Variants in ABHD12B observed in about 807,000 individuals in gnomAD.
ABHD12B encodes the protein protein ABHD12B.
Under a neutral mutation model 50.4 loss-of-function variants are expected in ABHD12B, and 42 were observed. The observed-to-expected ratio is 0.83, with a 90% confidence interval of 0.65 to 1.08. The LOEUF (loss-of-function observed/expected upper bound fraction) is 1.08. Among genes scored for constraint, ABHD12B ranks in the 50% least tolerant of loss-of-function variants. The pLI is 0.00. For synonymous variants in ABHD12B, 167 were observed against 160.3 expected, an observed-to-expected ratio of 1.04 and a Z score of -0.32; for missense variants, 479 against 447.7, an observed-to-expected ratio of 1.07 and a Z score of -0.63.
At chr14:50,901,645 T>C (rs1282032498) in intron 9 of ABHD12B, among the ~76,000 whole-genome samples, 184 bp from the exon 10 acceptor site, 1 of 152,238 alleles carries the variant, frequency 6.6e-6, no homozygotes, top group Non-Finnish European at 1.5e-5. Flanking sequence ...TTCTTCTACA[T>C]TCCTTTCTTT....
chr14:50,891,506 G>A (rs966607947), intron 9 of ABHD12B: 7 of 152,234 alleles, frequency 4.6e-5, no homozygotes, highest in African/African-American at 1.7e-4. Flanking sequence ...GTCTCCCAAA[G>A]TGCCGGGATT....
chr14:50,886,650 T>C lies in ABHD12B; in HGVS notation c.666T>C (p.Val222=). The change falls in exon 8 of 13, where the codon GTT becomes GTC. Residue 222 remains valine (V), a synonymous_variant. Transcript: ENST00000337334. ...ACTAATTTTCATTGCTTTACAGAGT[T>C]GCAACAAATGCTGCAAAAGTGCTAG... ...CLWGHSLGTG[V]ATNAAKVLEE... is the part of the protein sequence containing the mutation. 1 of 1,609,140 alleles carries C rather than the reference T, an allele frequency of 6.2e-7. No homozygotes were observed. The highest frequency in any genetic ancestry group is 8.5e-7 in the Non-Finnish European group (1 of 1,177,466).
chr14:50,896,641 TCTC>T (rs2050203571), intron 9 of ABHD12B, among the ~76,000 whole-genome samples: 1 of 148,682 alleles, frequency 6.7e-6, no homozygotes, highest in Non-Finnish European at 1.5e-5. Context: ...CGAATTTCCT[TCTC>T]CTGGCTCAGA....
chr14:50,884,294 C>A (rs2050002936), intron 5 of ABHD12B, among the ~76,000 whole-genome samples: 1 of 152,204 alleles, frequency 6.6e-6, no homozygotes, highest in African/African-American at 2.4e-5. Flanking sequence ...ACACGTGCTG[C>A]AACACACATG....
chr14:50,891,635 A>G (rs1017566366), intron 9 of ABHD12B: 1 of 152,216 alleles, frequency 6.6e-6, no homozygotes, highest in Admixed American at 6.5e-5. Flanking sequence ...AACTCTGCTT[A>G]CCCAAAGATT....
intron 9 of ABHD12B, among the ~76,000 whole-genome samples, chr14:50,898,446 A>G (rs2050224078): frequency 6.6e-6 from 1 of 152,146 alleles, no homozygotes; most frequent in African/African-American, 2.4e-5. Flanking sequence ...CAGCAGATTT[A>G]ATATAACTGG....
intron 7 of ABHD12B, 55 bp from the exon 8 acceptor site, chr14:50,886,592 T>C (rs992423380): frequency 3.3e-6 from 5 of 1,533,730 alleles, no homozygotes; most frequent in Non-Finnish European, 8.9e-7. Context: ...ATACCAGAAG[T>C]TGCATTTTGT....
chr14:50,887,509 A>G (rs746284470), intron 8 of ABHD12B, among the ~76,000 whole-genome samples: 2 of 152,218 alleles, frequency 1.3e-5, no homozygotes, highest in Non-Finnish European at 2.9e-5. Flanking sequence ...CTAATGCCAT[A>G]CAATTTAAAC....
At position 50,901,862 on chromosome 14, in the gene ABHD12B, C is replaced by T; in HGVS notation, c.814C>T (p.Leu272Phe). The change falls in exon 10 of 13, where the codon CTT (leucine) becomes TTT (phenylalanine). Residue 272 changes from leucine to phenylalanine, a missense_variant. By Grantham distance (22) the Leu-to-Phe change is conservative. Coordinates refer to ENST00000337334, the MANE Select transcript of ABHD12B (RefSeq NM_001206673.2). Reference sequence around the variant, plus strand: ...GAACATTCCAGGATTTTTACGTACACTTATGGATGCCCTGAGAAAAGACAA... The same window carrying T: ...GAACATTCCAGGATTTTTACGTACATTTATGGATGCCCTGAGAAAAGACAA... The part of the protein sequence containing the change: ...YRNIPGFLRT[L>F]MDALRKDKII... 6.3e-7 allele frequency: 1 copy of T among 1,592,984 alleles called. No homozygotes were observed. The highest frequency in any genetic ancestry group is 1.9e-5 in the Admixed American group (1 of 52,698).
intron 9 of ABHD12B, among the ~76,000 whole-genome samples, chr14:50,896,171 C>A (rs1037948332): frequency 5.9e-5 from 9 of 152,218 alleles, no homozygotes; most frequent in African/African-American, 2.2e-4. Flanking sequence ...AATATCCCGT[C>A]CTGCAGCATG....
rs1032596954 is a variant in ABHD12B, at chr14:50,872,103, G to A, written c.-72G>A. The A allele has an allele frequency of 8.0e-6, 9 of 1,123,338 alleles. No homozygotes were observed. In the South Asian group the frequency reaches 2.5e-4, roughly 32 times the overall value. 69.6% of individuals were successfully genotyped at this position (1,123,338 alleles called of 1,614,324 possible). A position where few individuals can be genotyped will look rare whatever the true frequency, so the allele number is the denominator to read the frequency against. ...AGGGCGGGCGCGGTGCCGCCGGGGC[G>A]GGAAGGTCGCGGGCGGCTGCTCCGG... On this transcript the variant is annotated 5_prime_UTR_variant, in exon 1 of 13. Coordinates refer to ENST00000337334, the MANE Select transcript of ABHD12B (RefSeq NM_001206673.2).
intron 11 of ABHD12B, chr14:50,903,868 G>A (rs1312860084): frequency 1.8e-6 from 1 of 554,960 alleles, no homozygotes; most frequent in Non-Finnish European, 3.2e-6. Flanking sequence ...GAAGGATGAG[G>A]TTTTATCAGT....
At chr14:50,885,921 T>C in intron 7 of ABHD12B, 26 bp downstream of exon 7, 2 of 1,613,014 alleles carry the variant, frequency 1.2e-6, no homozygotes, top group Non-Finnish European at 1.7e-6. Context: ...AAATGTGTCC[T>C]TAGGCAGGTC....
intron 8 of ABHD12B, among the ~76,000 whole-genome samples, chr14:50,888,299 G>C (rs1354372378): frequency 2.0e-5 from 3 of 151,822 alleles, no homozygotes; most frequent in Non-Finnish European, 4.4e-5. Flanking sequence ...TGCCTCCCGG[G>C]TTCAAGCGAT....
rs1353605428 is a variant in ABHD12B at position 50,880,334 on chromosome 14, A to T, written c.336-118A>T. 2.7e-6 allele frequency: 3 copies of T among 1,101,278 alleles called. No homozygotes were observed. In the East Asian group the frequency reaches 9.5e-5, roughly 35 times the overall value. The allele number at this position is 1,101,278 out of a possible 1,614,324, so 68.2% of individuals were successfully genotyped here. A position where few individuals can be genotyped will look rare whatever the true frequency, so the allele number is the denominator to read the frequency against. Reference sequence around the variant, plus strand: ...AGATTTTTATTTTTGCCATGTGCATATATTAGTCGGATAAAAAATTAAAAT... The same window carrying T: ...AGATTTTTATTTTTGCCATGTGCATTTATTAGTCGGATAAAAAATTAAAAT... On this transcript the variant is annotated intron_variant, in intron 3 of 12. Coordinates refer to ENST00000337334, the MANE Select transcript of ABHD12B (RefSeq NM_001206673.2).
Position 50,904,116 on chromosome 14 carries a change from G to T in ABHD12B, c.985G>T (p.Val329Phe), listed in dbSNP as rs746054417. The T allele has an allele frequency of 3.2e-5, 52 of 1,614,036 alleles. 1 individual carries two copies. The South Asian group carries it at 4.8e-4, about 15-fold the overall frequency. Residue 329 changes from valine (V) to phenylalanine (F), a missense_variant, in exon 12 of 13, where the codon GTC becomes TTC. Physicochemically the swap from Val to Phe is conservative, Grantham distance 50. Transcript: ENST00000337334. ...CAATGCATACAGGAACAAAGAGAGG[G>T]TCAAGATGGTTATCTTTCCTCCTGG... ...ARNAYRNKER[V>F]KMVIFPPGFQ...
intron 9 of ABHD12B, among the ~76,000 whole-genome samples, chr14:50,900,845 G>A (rs893351729): frequency 1.3e-5 from 2 of 152,212 alleles, no homozygotes; most frequent in Non-Finnish European, 2.9e-5. Context: ...GGCCTTGGAG[G>A]CCAAGGTGAC....
intron 8 of ABHD12B, among the ~76,000 whole-genome samples, chr14:50,887,024 G>A (rs1230813823): frequency 6.6e-6 from 1 of 151,890 alleles, no homozygotes; most frequent in Non-Finnish European, 1.5e-5. Context: ...GACCAGCCTG[G>A]CCAAGATGGT....
At position 50,872,269 on chromosome 14, in the gene ABHD12B, G is replaced by T; in HGVS notation, c.95G>T (p.Arg32Leu). The part of the protein sequence containing the change: ...CVAAWWDMVD[R>L]NLRYFPHSCS... ...GCCGCCTGGTGGGACATGGTCGACC[G>T]CAACCTGCGGTGAGTACCGCCCGGT... Residue 32 changes from arginine (R) to leucine (L), a missense_variant, in exon 1 of 13, where the codon CGC becomes CTC. Coordinates refer to ENST00000337334, the MANE Select transcript of ABHD12B (RefSeq NM_001206673.2). The T allele has an allele frequency of 1.5e-6, 2 of 1,362,302 alleles. No homozygotes were observed. Among genetic ancestry groups the T allele is most frequent in the Non-Finnish European group, 1.9e-6 (2 of 1,054,634 alleles). The allele number at this position is 1,362,302 out of a possible 1,614,324, so 84.4% of individuals were successfully genotyped here.
Sources: gnomAD v4.1 joint callset for allele counts (sites outside exome capture counted in the v4.1 genomes callset) on GRCh38, gnomAD v4.1.1 for gene constraint, MANE v1.5 for transcripts, NCBI Gene and HGNC (gene_info 2026-07-23, HGNC 2026-07-21) for gene names.